The following RSF1 variants were observed in gnomAD, a reference collection of about 807,000 sequenced individuals.
RSF1 encodes the protein HBV pX-associated protein 8.
Under a neutral mutation model 145.2 loss-of-function variants are expected in RSF1, and 13 were observed. The ratio of observed to expected loss-of-function variants is 0.09; its 90% CI spans 0.06 to 0.14. The LOEUF (loss-of-function observed/expected upper bound fraction) is 0.14. Among genes scored for constraint, RSF1 ranks in the 10% least tolerant of loss-of-function variants. The pLI is 1.00. For synonymous variants in RSF1, 577 were observed against 592.6 expected, an observed-to-expected ratio of 0.97 and a Z score of 0.38; for missense variants, 1,517 against 1,718.2, an observed-to-expected ratio of 0.88 and a Z score of 2.07.
At chr11:77,679,638 A>T (rs999030489) in intron 11 of RSF1, among the ~76,000 whole-genome samples, 5 of 151,038 alleles carry the variant, frequency 3.3e-5, no homozygotes, top group African/African-American at 1.2e-4. Context: ...GCACCACTGC[A>T]CTCCAGCCTG....
intron 1 of RSF1, among the ~76,000 whole-genome samples, chr11:77,777,694 A>G (rs1948356474): frequency 1.3e-5 from 2 of 152,108 alleles, no homozygotes; most frequent in Non-Finnish European, 2.9e-5. Context: ...CACCAAAAGA[A>G]CTGAGTTGTG....
intron 1 of RSF1, among the ~76,000 whole-genome samples, chr11:77,781,620 CA>C (rs1345442173): frequency 5.9e-5 from 9 of 152,320 alleles, no homozygotes; most frequent in Admixed American, 1.3e-4. Flanking sequence ...TCCTCAAAAA[CA>C]CTTGAGGTGT....
chr11:77,795,860 GT>G (rs1302843374), intron 1 of RSF1, among the ~76,000 whole-genome samples: 1 of 152,134 alleles, frequency 6.6e-6, no homozygotes, highest in Admixed American at 6.5e-5. Flanking sequence ...ACTTTTTTTG[GT>G]TAGCAGGCTA....
intron 1 of RSF1, among the ~76,000 whole-genome samples, chr11:77,809,192 T>C (rs1421872056): frequency 6.6e-6 from 1 of 152,184 alleles, no homozygotes; most frequent in Admixed American, 6.5e-5. Context: ...ATCTATAAAA[T>C]GAAAATAATG....
intron 1 of RSF1, among the ~76,000 whole-genome samples, chr11:77,784,956 C>T (rs1948440104): frequency 6.6e-6 from 1 of 152,194 alleles, no homozygotes; most frequent in South Asian, 2.1e-4. Flanking sequence ...TTCTGCATAG[C>T]CCTCTTCTTT....
chr11:77,711,539 G>A (rs1177459416), intron 5 of RSF1, among the ~76,000 whole-genome samples: 2 of 152,048 alleles, frequency 1.3e-5, no homozygotes, highest in South Asian at 2.1e-4. Context: ...CGTGGTTGCA[G>A]GTGCCTGTAA....
At chr11:77,827,576 A>G in the RSF1 span, among the ~76,000 whole-genome samples, 1 of 152,246 alleles carries the variant, frequency 6.6e-6, no homozygotes, top group Non-Finnish European at 1.5e-5. Flanking sequence ...ACAAAATTCA[A>G]TATTCTTTCA....
chr11:77,796,560 C>T (rs1339610930), intron 1 of RSF1, among the ~76,000 whole-genome samples: 4 of 152,008 alleles, frequency 2.6e-5, no homozygotes, highest in Non-Finnish European at 5.9e-5. Context: ...TCGTACTGAA[C>T]AGGCAAAAAC....
Position 77,701,386 on chromosome 11 carries a change from G to C in RSF1, c.1843C>G (p.Leu615Val), listed in dbSNP as rs745775941. 3.0e-5 allele frequency: 49 copies of C among 1,613,872 alleles called. No homozygotes were observed. The South Asian group carries it at 5.2e-4, about 17-fold the overall frequency. The part of the protein sequence containing the change: ...PIPEEVPKST[L>V]ESEKPGSPEA... Reference sequence around the variant, plus strand: ...GGAGAGCCAGGCTTTTCTGACTCTAGAGTACTCTTTGGAACTTCTTCTGGT... The same window carrying C: ...GGAGAGCCAGGCTTTTCTGACTCTACAGTACTCTTTGGAACTTCTTCTGGT... Residue 615 changes from leucine (L) to valine (V), a missense_variant, in exon 6 of 16, where the codon CTA becomes GTA. Leu to Val is a conservative substitution (Grantham distance 32, BLOSUM62 1). Coordinates refer to ENST00000308488, the MANE Select transcript of RSF1 (RefSeq NM_016578.4).
chr11:77,738,314 A>AG (rs200571989), intron 4 of RSF1, among the ~76,000 whole-genome samples: 27,133 of 152,158 alleles, frequency 0.18, 3,035 homozygotes, highest in African/African-American at 0.3. Flanking sequence ...AATTAAGTAC[A>AG]TTAGCCCCCC....
At chr11:77,710,490 A>C (rs1960653186) in intron 5 of RSF1, among the ~76,000 whole-genome samples, 3 of 152,168 alleles carry the variant, frequency 2.0e-5, no homozygotes, top group African/African-American at 7.2e-5. Context: ...TGTTCAGGAC[A>C]CCAAATCCAC....
intron 4 of RSF1, chr11:77,739,657 GAT>G: frequency 6.6e-6 from 1 of 152,162 alleles, no homozygotes; most frequent in East Asian, 1.9e-4. Context: ...GCAAAAAACA[GAT>G]ATGAGTTAAT....
chr11:77,871,390 C>T, the RSF1 span, among the ~76,000 whole-genome samples: 3 of 152,142 alleles, frequency 2.0e-5, no homozygotes, highest in Non-Finnish European at 2.9e-5. Flanking sequence ...GGGTAAGGCA[C>T]TATTCTAGAA....
Position 77,675,267 on chromosome 11 carries a change from G to GA in RSF1, c.3342-12dup, listed in dbSNP as rs1959671018. Reference sequence around the variant, plus strand: ...AACTCATCTTGAGATCTGTCCAAGAGAAATCAGATAAAATACAATGGTATT... The same window carrying GA: ...AACTCATCTTGAGATCTGTCCAAGAGAAAATCAGATAAAATACAATGGTATT... On this transcript the variant is annotated splice_polypyrimidine_tract_variant and intron_variant, in intron 13 of 15. Transcript: ENST00000308488. The GA allele has an allele frequency of 6.3e-7, 1 of 1,596,766 alleles. No individual in the cohort carries two copies. Among genetic ancestry groups the GA allele is most frequent in the Non-Finnish European group, 8.5e-7 (1 of 1,172,964 alleles).
At chr11:77,770,889 T>C (rs971276934) in intron 1 of RSF1, among the ~76,000 whole-genome samples, 2 of 152,182 alleles carry the variant, frequency 1.3e-5, no homozygotes, top group Non-Finnish European at 2.9e-5. Context: ...CTCTATAAGA[T>C]GAAGTGAGTA....
intron 1 of RSF1, among the ~76,000 whole-genome samples, chr11:77,792,467 G>A (rs892167718): frequency 5.3e-5 from 8 of 152,074 alleles, no homozygotes; most frequent in East Asian, 1.9e-4. Flanking sequence ...GCTGGTGTAC[G>A]TCACCCTGGG....
At chr11:77,739,622 G>A (rs1961458172) in intron 4 of RSF1, 2 of 152,174 alleles carry the variant, frequency 1.3e-5, no homozygotes, top group South Asian at 4.1e-4. Context: ...ATCACTAAGA[G>A]AAATCTGCTG....
In RSF1 at chr11:77,664,429, T is replaced by C. The variant is rs1383103189; in HGVS notation, c.*2488A>G. On this transcript the variant is annotated 3_prime_UTR_variant, in exon 16 of 16. Transcript: ENST00000308488. The stretch of plus-strand genomic sequence containing the variant: ...TAAATGGAATACTCAGTCTTTGAGA[T>C]GGTAAGAATTACCTTAGGCTTTCTA... The C allele has an allele frequency of 5.3e-5, 8 of 152,234 alleles. No homozygotes were observed. Among genetic ancestry groups the C allele is most frequent in the Admixed American group, 6.5e-5 (1 of 15,276 alleles). The allele number at this position is 152,234 out of a possible 1,614,324, so 9.4% of individuals were successfully genotyped here. A position where few individuals can be genotyped will look rare whatever the true frequency, so the allele number is the denominator to read the frequency against.
At chr11:77,774,647 G>A (rs1216210027) in intron 1 of RSF1, among the ~76,000 whole-genome samples, 2 of 150,564 alleles carry the variant, frequency 1.3e-5, no homozygotes, top group Non-Finnish European at 3.0e-5. Flanking sequence ...TCCTAGGCCA[G>A]ATGCTGCAGT....
Sources: allele counts gnomAD v4.1 joint callset (sites outside exome capture counted in the v4.1 genomes callset), GRCh38; gene constraint gnomAD v4.1.1; transcripts MANE v1.5; gene names NCBI Gene and HGNC (gene_info 2026-07-23, HGNC 2026-07-21).